The following MTUS2 variants were observed in gnomAD, a reference collection of about 807,000 sequenced individuals.
MTUS2 encodes the protein microtubule-associated tumor suppressor candidate 2.
In MTUS2, 40 loss-of-function variants were observed where a neutral mutation model predicts 114.1. The observed-to-expected ratio is 0.35, with a 90% CI of 0.27 to 0.46. The LOEUF (loss-of-function observed/expected upper bound fraction) is 0.46. Ranked by LOEUF, MTUS2 falls within the 20% of genes least tolerant of loss-of-function variation. The pLI is 1.00. For missense variants in MTUS2, 1,679 were observed against 1,705.4 expected (o/e 0.98, Z 0.27); for synonymous variants, 688 against 672.0 (o/e 1.02, Z -0.37).
intron 5 of MTUS2, among the ~76,000 whole-genome samples, chr13:29,273,420 G>C (rs1897948668): frequency 6.6e-6 from 1 of 152,160 alleles, no homozygotes; most frequent in African/African-American, 2.4e-5. Context: ...ACAGAGAATA[G>C]GAATAAACAC....
chr13:28,838,654 G>A lies in MTUS2; in HGVS notation c.-315-1124G>A, dbSNP rs372427533. Among the ~76,000 whole-genome samples the A allele has an allele frequency of 3.3e-4, 50 of 152,212 alleles. No homozygotes were observed. The East Asian group carries it at 6.6e-3, about 20-fold the overall frequency. Reference sequence around the variant, plus strand: ...CTTTCCCTTTCACCTGCCCCTGTTAGAGATCAGCATGCTCCCTCTCACCTT... The same window carrying A: ...CTTTCCCTTTCACCTGCCCCTGTTAAAGATCAGCATGCTCCCTCTCACCTT... On this transcript the variant is annotated intron_variant, in intron 1 of 15. Coordinates refer to ENST00000612955, the MANE Select transcript of MTUS2 (RefSeq NM_001033602.4).
At chr13:29,370,466 C>T (rs9508422) in intron 8 of MTUS2, among the ~76,000 whole-genome samples, 30,763 of 151,954 alleles carry the variant, frequency 0.2, 3,224 homozygotes, top group Middle Eastern at 0.25. Context: ...AGCTGGAGAC[C>T]CTGTCTCTTG....
At chr13:29,203,584 C>T (rs1895054032) in intron 5 of MTUS2, among the ~76,000 whole-genome samples, 2 of 150,328 alleles carry the variant, frequency 1.3e-5, no homozygotes, top group Non-Finnish European at 3.0e-5. Flanking sequence ...AAAAAAACTC[C>T]TGCAGCTAGC....
At chr13:29,243,068 AC>A in intron 5 of MTUS2, among the ~76,000 whole-genome samples, 1 of 152,236 alleles carries the variant, frequency 6.6e-6, no homozygotes, top group Non-Finnish European at 1.5e-5. Context: ...AATCTGAGAT[AC>A]TATGGGACGC....
chr13:29,070,655 G>A (rs1210579134), intron 4 of MTUS2, among the ~76,000 whole-genome samples: 1 of 152,056 alleles, frequency 6.6e-6, no homozygotes, highest in African/African-American at 2.4e-5. Flanking sequence ...AGAGGTTTAT[G>A]TTGCTAAGGA....
At chr13:29,240,713 A>C (rs1409816104) in intron 5 of MTUS2, among the ~76,000 whole-genome samples, 3 of 152,222 alleles carry the variant, frequency 2.0e-5, no homozygotes, top group African/African-American at 7.2e-5. Flanking sequence ...ATTTCTAAAC[A>C]GTGGAACCCT....
chr13:29,039,477 C>T (rs9508231), intron 4 of MTUS2, among the ~76,000 whole-genome samples: 67,036 of 152,104 alleles, frequency 0.44, 15,126 homozygotes, highest in Admixed American at 0.5. Context: ...GCAGCTGCAG[C>T]GGGGGAGGGC....
intron 2 of MTUS2, among the ~76,000 whole-genome samples, chr13:28,970,010 C>G (rs965120689): frequency 2.0e-5 from 3 of 152,158 alleles, no homozygotes; most frequent in Admixed American, 6.5e-5. Flanking sequence ...GAATGCCTGT[C>G]CTCAGGTGAT....
At chr13:29,362,863 C>T (rs911188621) in intron 8 of MTUS2, among the ~76,000 whole-genome samples, 1 of 152,184 alleles carries the variant, frequency 6.6e-6, no homozygotes, top group African/African-American at 2.4e-5. Flanking sequence ...TTTTCTGCCC[C>T]ATGCTTTATA....
chr13:28,962,380 CT>C (rs1883370426), intron 2 of MTUS2, among the ~76,000 whole-genome samples: 1 of 152,060 alleles, frequency 6.6e-6, no homozygotes, highest in South Asian at 2.1e-4. Context: ...AAAGTTCTTA[CT>C]TTTTTTAATA....
intron 9 of MTUS2, among the ~76,000 whole-genome samples, chr13:29,465,395 A>G (rs972360490): frequency 6.6e-6 from 1 of 152,208 alleles, no homozygotes; most frequent in Admixed American, 6.5e-5. Flanking sequence ...GCTCCAGTGC[A>G]TTGGACACGA....
At chr13:29,450,291 T>C (rs559536219) in intron 9 of MTUS2, among the ~76,000 whole-genome samples, 2 of 152,274 alleles carry the variant, frequency 1.3e-5, no homozygotes, top group African/African-American at 4.8e-5. Context: ...TTTATTACTA[T>C]GGAAGAAGGG....
chr13:29,473,095 G>C (rs919987407), intron 9 of MTUS2, among the ~76,000 whole-genome samples: 1 of 151,966 alleles, frequency 6.6e-6, no homozygotes, highest in African/African-American at 2.4e-5. Context: ...TATGTATAAT[G>C]TGCATGTAAA....
intron 6 of MTUS2, among the ~76,000 whole-genome samples, chr13:29,308,803 A>T (rs879727783): frequency 2.0e-5 from 3 of 152,218 alleles, no homozygotes; most frequent in Non-Finnish European, 4.4e-5. Context: ...AAACCTCAAC[A>T]TCACTGATCA....
At chr13:28,909,537 A>G (rs983689094) in intron 2 of MTUS2, among the ~76,000 whole-genome samples, 3 of 152,296 alleles carry the variant, frequency 2.0e-5, no homozygotes, top group Admixed American at 6.5e-5. Context: ...TCTGAAAATA[A>G]TAAGAGTCAT....
intron 6 of MTUS2, among the ~76,000 whole-genome samples, chr13:29,287,081 G>A (rs73168239): frequency 0.019 from 2,875 of 152,296 alleles, 45 homozygotes; most frequent in South Asian, 0.027. Context: ...TAAGAGGTAG[G>A]CAGGGAAATT....
intron 2 of MTUS2, among the ~76,000 whole-genome samples, chr13:29,012,583 G>A (rs1170494702): frequency 6.6e-6 from 1 of 152,158 alleles, no homozygotes; most frequent in African/African-American, 2.4e-5. Context: ...TGCTAAAAGA[G>A]TGGGTCCAGC....
chr13:28,862,114 GAATAGAAAATGTGT>G (rs1233873218), intron 2 of MTUS2, among the ~76,000 whole-genome samples: 1 of 152,144 alleles, frequency 6.6e-6, no homozygotes, highest in African/African-American at 2.4e-5. Context: ...CCTCACACAT[GAATAGAAAATGTGT>G]GCATGACAAA....
intron 10 of MTUS2, chr13:29,485,117 A>C (rs1881499461): frequency 6.5e-6 from 1 of 152,812 alleles, no homozygotes; most frequent in Non-Finnish European, 1.5e-5. Flanking sequence ...AGGATGCTTC[A>C]GCCAGCCCGA....
Sources: allele counts gnomAD v4.1 joint callset (sites outside exome capture counted in the v4.1 genomes callset), GRCh38; gene constraint gnomAD v4.1.1; transcripts MANE v1.5; gene names NCBI Gene and HGNC (gene_info 2026-07-23, HGNC 2026-07-21).